The following RABEP1 variants were observed in gnomAD, a reference collection of about 807,000 sequenced individuals.
RABEP1 encodes rabaptin, RAB GTPase binding effector protein 1.
Under a neutral mutation model 123.4 loss-of-function variants are expected in RABEP1, and 51 were observed. The observed-to-expected ratio is 0.41, with a 90% CI of 0.33 to 0.52. RABEP1 has a LOEUF of 0.52. Ranked by LOEUF, RABEP1 falls within the 20% of genes least tolerant of loss-of-function variation. The pLI, the probability that RABEP1 is intolerant of heterozygous loss-of-function variation, is 0.16. For synonymous variants in RABEP1, 347 were observed against 355.2 expected, an observed-to-expected ratio of 0.98 and a Z score of 0.26; for missense variants, 888 against 996.3, an observed-to-expected ratio of 0.89 and a Z score of 1.46.
chr17:5,282,449 C>A lies in RABEP1; in HGVS notation c.-38C>A. 2 of 1,339,328 alleles carry A rather than the reference C, an allele frequency of 1.5e-6. No homozygotes were observed. The highest frequency in any genetic ancestry group is 9.7e-7 in the Non-Finnish European group (1 of 1,032,702). The allele number at this position is 1,339,328 out of a possible 1,614,324, so 83.0% of individuals were successfully genotyped here. A position where few individuals can be genotyped will look rare whatever the true frequency, so the allele number is the denominator to read the frequency against. ...CCGCGGGAGCCCAGGACGCCGCTTC[C>A]CCGCCCATCCCCGCTCCCCGAGGCC... is the stretch of plus-strand genomic sequence containing the variant. On this transcript the variant is annotated 5_prime_UTR_variant, in exon 1 of 18. Transcript: ENST00000537505.
rs1909704709 is a variant in RABEP1, at chr17:5,363,140, A to G, written c.1668+124A>G. 3 of 705,852 alleles carry G rather than the reference A, an allele frequency of 4.3e-6. No individual in the cohort carries two copies. The East Asian group carries it at 8.4e-5, about 20-fold the overall frequency. 43.7% of individuals were successfully genotyped at this position (705,852 alleles called of 1,614,324 possible). A position where few individuals can be genotyped will look rare whatever the true frequency, so the allele number is the denominator to read the frequency against. The stretch of plus-strand genomic sequence containing the variant: ...TGAAGCATATCCATCTTGTTAAGTT[A>G]TGAAATAACCTGGTACATGCAATGG... On this transcript the variant is annotated intron_variant, in intron 10 of 17. Coordinates refer to ENST00000537505, the MANE Select transcript of RABEP1 (RefSeq NM_004703.6).
intron 8 of RABEP1, among the ~76,000 whole-genome samples, chr17:5,359,386 T>A (rs1452692518): frequency 6.6e-6 from 1 of 152,122 alleles, no homozygotes; most frequent in Admixed American, 6.5e-5. Flanking sequence ...TCTGATGTTT[T>A]TCAAATGGCC....
chr17:5,382,553 A>G (rs897811103), intron 17 of RABEP1, among the ~76,000 whole-genome samples: 1 of 151,484 alleles, frequency 6.6e-6, no homozygotes, highest in African/African-American at 2.4e-5. Context: ...GTTTGAGACC[A>G]GATTGACCAA....
At chr17:5,289,308 T>G (rs1362757797) in intron 1 of RABEP1, among the ~76,000 whole-genome samples, 1 of 151,916 alleles carries the variant, frequency 6.6e-6, no homozygotes, top group Non-Finnish European at 1.5e-5. Context: ...CTTTGTAAAT[T>G]ATATTAGCCC....
At chr17:5,311,712 A>C (rs1488815559) in intron 2 of RABEP1, among the ~76,000 whole-genome samples, 2 of 151,328 alleles carry the variant, frequency 1.3e-5, no homozygotes, top group African/African-American at 4.8e-5. Context: ...AAAAAAAAAA[A>C]AAAAAAAACA....
At chr17:5,363,592 C>A (rs1055914581) in intron 10 of RABEP1, among the ~76,000 whole-genome samples, 1 of 152,112 alleles carries the variant, frequency 6.6e-6, no homozygotes, top group Non-Finnish European at 1.5e-5. Context: ...TTCCACCCTG[C>A]CCCTTCCGCC....
At chr17:5,378,693 T>G (rs1453033360) in intron 15 of RABEP1, 1 of 212,646 alleles carries the variant, frequency 4.7e-6, no homozygotes, top group Non-Finnish European at 9.4e-6. Flanking sequence ...TGCTCTCCCC[T>G]TCCACACACT....
rs141609096 is a variant in RABEP1, at chr17:5,373,207, C to T, written c.1885-107C>T. The T allele has an allele frequency of 3.7e-4, 380 of 1,016,634 alleles. No homozygotes were observed. In the African/African-American group the frequency reaches 5.0e-3, roughly 14 times the overall value. The allele number at this position is 1,016,634 out of a possible 1,614,324, so 63.0% of individuals were successfully genotyped here. The stretch of plus-strand genomic sequence containing the variant: ...AGTCTAGCAGAACTTCACCATACCC[C>T]GTCCATCCTCAGCACTCCTTTAGTT... On this transcript the variant is annotated intron_variant, in intron 12 of 17. Coordinates refer to ENST00000537505, the MANE Select transcript of RABEP1 (RefSeq NM_004703.6).
At position 5,342,591 on chromosome 17, in the gene RABEP1, G is replaced by A. The variant is rs189219631; in HGVS notation, c.649-4199G>A. Among the ~76,000 whole-genome samples, 6 of 152,244 alleles carry A rather than the reference G, an allele frequency of 3.9e-5. No individual in the cohort carries two copies. In the East Asian group the frequency reaches 1.2e-3, roughly 29 times the overall value. ...ACTGCACTCCAGCCTGGGCAGTAGA[G>A]CGAGACTCTGTCTCACACACACACA... On this transcript the variant is annotated intron_variant, in intron 5 of 17. Coordinates refer to ENST00000537505, the MANE Select transcript of RABEP1 (RefSeq NM_004703.6).
intron 2 of RABEP1, among the ~76,000 whole-genome samples, chr17:5,325,183 A>C (rs1385737695): frequency 1.3e-5 from 2 of 152,030 alleles, no homozygotes; most frequent in East Asian, 3.9e-4. Flanking sequence ...AAAAAACCCA[A>C]AAATTATCTA....
intron 4 of RABEP1, 96 bp downstream of exon 4, chr17:5,335,440 T>C: frequency 9.4e-7 from 1 of 1,061,948 alleles, no homozygotes; most frequent in Non-Finnish European, 1.4e-6. Context: ...AGTACTTTGA[T>C]ATTTCCTGTG....
intron 5 of RABEP1, among the ~76,000 whole-genome samples, chr17:5,346,287 TC>T (rs1270125746): frequency 6.6e-6 from 1 of 152,234 alleles, no homozygotes; most frequent in African/African-American, 2.4e-5. Context: ...TATAATTTCC[TC>T]TTTTTTACTT....
intron 2 of RABEP1, among the ~76,000 whole-genome samples, chr17:5,320,421 C>CAAAAAAAAA (rs60202531): frequency 9.6e-4 from 81 of 84,630 alleles, no homozygotes; most frequent in African/African-American, 1.4e-3. Flanking sequence ...GCTAACACAC[C>CAAAAAAAAA]AAAAAAAAAA....
chr17:5,368,721 A>C (rs1057412853), intron 12 of RABEP1, among the ~76,000 whole-genome samples: 1 of 152,258 alleles, frequency 6.6e-6, no homozygotes, highest in Non-Finnish European at 1.5e-5. Flanking sequence ...AAACCTAAAC[A>C]GAATAAACTA....
Position 5,361,940 on chromosome 17 carries a change from A to G in RABEP1, c.1563+265A>G, listed in dbSNP as rs369689521. ...AACTCACAGCTCTCAGGTTGGAGCA[A>G]TCTGCCTGACTAGCATTGCGGAATT... On this transcript the variant is annotated intron_variant, in intron 9 of 17. Transcript: ENST00000537505. 48 of 398,520 alleles carry G rather than the reference A, an allele frequency of 1.2e-4. 2 individuals carry two copies. The highest frequency in any genetic ancestry group is 3.5e-4 in the East Asian group (8 of 23,054). The allele number at this position is 398,520 out of a possible 1,614,324, so 24.7% of individuals were successfully genotyped here. A position where few individuals can be genotyped will look rare whatever the true frequency, so the allele number is the denominator to read the frequency against.
At chr17:5,315,954 AAAG>A (rs1489025446) in intron 2 of RABEP1, among the ~76,000 whole-genome samples, 4 of 152,324 alleles carry the variant, frequency 2.6e-5, no homozygotes, top group Non-Finnish European at 5.9e-5. Context: ...CTACCAGAGA[AAAG>A]AAACAATTAC....
chr17:5,362,837 G>C (rs1909671911), intron 9 of RABEP1, 75 bp from the exon 10 acceptor site: 7 of 958,640 alleles, frequency 7.3e-6, no homozygotes, highest in Non-Finnish European at 1.2e-5. Context: ...CCATTGGTAA[G>C]ACTATGCACG....
Position 5,343,451 on chromosome 17 carries a change from C to T in RABEP1, c.649-3339C>T, listed in dbSNP as rs187339260. On this transcript the variant is annotated intron_variant, in intron 5 of 17. Transcript: ENST00000537505. ...TACCTGTAGTCCCAGCTACTCGGGACGAGGCATGAGAATCATGAGAATCAC... is the reference window on the plus strand; with the variant it reads ...TACCTGTAGTCCCAGCTACTCGGGATGAGGCATGAGAATCATGAGAATCAC... 1.6e-3 allele frequency among the ~76,000 whole-genome samples: 245 copies of T among 151,782 alleles called. 1 individual carries two copies. Among genetic ancestry groups the T allele is most frequent in the African/African-American group, 5.5e-3 (226 of 41,384 alleles).
intron 1 of RABEP1, among the ~76,000 whole-genome samples, chr17:5,304,157 AATT>A (rs571184985): frequency 1.1e-4 from 17 of 152,200 alleles, no homozygotes; most frequent in Admixed American, 3.3e-4. Flanking sequence ...TTTATATCAA[AATT>A]ATTATTAGGT....
Sources: allele counts gnomAD v4.1 joint callset (sites outside exome capture counted in the v4.1 genomes callset), GRCh38; gene constraint gnomAD v4.1.1; transcripts MANE v1.5; gene names NCBI Gene and HGNC (gene_info 2026-07-23, HGNC 2026-07-21).